MSH4: variants seen among roughly 807,000 people sequenced by gnomAD.
MSH4 encodes mutS homolog 4.
Under a neutral mutation model 113.7 loss-of-function variants are expected in MSH4, and 106 were observed. That is an observed-to-expected ratio of 0.93 (90% CI 0.80 to 1.10). MSH4 has a LOEUF of 1.10. Among genes scored for constraint, MSH4 ranks in the 50% least tolerant of loss-of-function variants. The probability of loss-of-function intolerance (pLI) is 0.00; values close to 1 mark genes in which losing one functional copy is unlikely to be tolerated. For synonymous variants in MSH4, 368 were observed against 380.2 expected (o/e 0.97, Z 0.37); for missense variants, 1,061 against 1,093.7 (o/e 0.97, Z 0.42).
chr1:75,881,585 A>T (rs1651933768), intron 14 of MSH4, among the ~76,000 whole-genome samples: 1 of 152,014 alleles, frequency 6.6e-6, no homozygotes. Flanking sequence ...GCAAACCAAA[A>T]AGAAAAAATT....
chr1:75,816,721 G>C (rs904441684), intron 6 of MSH4, among the ~76,000 whole-genome samples, 175 bp downstream of exon 6: 1 of 152,086 alleles, frequency 6.6e-6, no homozygotes, highest in African/African-American at 2.4e-5. Flanking sequence ...CTGCCTTCCA[G>C]GTTCAAGCAA....
At chr1:75,826,616 C>G (rs1052324405) in intron 7 of MSH4, among the ~76,000 whole-genome samples, 1 of 152,198 alleles carries the variant, frequency 6.6e-6, no homozygotes, top group South Asian at 2.1e-4. Context: ...AAATTTCCCT[C>G]TTAACCCTGG....
intron 17 of MSH4, among the ~76,000 whole-genome samples, chr1:75,895,441 G>T (rs1465041531): frequency 6.6e-6 from 1 of 152,092 alleles, no homozygotes; most frequent in Admixed American, 6.6e-5. Flanking sequence ...ACTAGCTAGG[G>T]CTTGCTGAAG....
intron 7 of MSH4, among the ~76,000 whole-genome samples, chr1:75,836,666 T>C (rs1160599546): frequency 6.6e-6 from 1 of 152,190 alleles, no homozygotes; most frequent in Non-Finnish European, 1.5e-5. Flanking sequence ...TGTCCACAAT[T>C]TATTTGATAC....
At chr1:75,908,298 A>G (rs2100598288) in intron 19 of MSH4, among the ~76,000 whole-genome samples, 1 of 151,760 alleles carries the variant, frequency 6.6e-6, no homozygotes, top group South Asian at 2.1e-4. Flanking sequence ...GGTGTGCACC[A>G]CCATGCCTGG....
chr1:75,837,950 A>G (rs1394991529), intron 7 of MSH4, among the ~76,000 whole-genome samples: 1 of 152,102 alleles, frequency 6.6e-6, no homozygotes, highest in Non-Finnish European at 1.5e-5. Flanking sequence ...ACCCTTCTCC[A>G]ACCTTGCTGT....
intron 7 of MSH4, among the ~76,000 whole-genome samples, chr1:75,831,882 A>G (rs566452751): frequency 6.6e-6 from 1 of 152,330 alleles, no homozygotes; most frequent in Non-Finnish European, 1.5e-5. Context: ...AGAACTAGAG[A>G]AGCAGGAGCA....
chr1:75,857,020 G>T (rs1260146721), intron 8 of MSH4, among the ~76,000 whole-genome samples: 1 of 152,108 alleles, frequency 6.6e-6, no homozygotes, highest in East Asian at 1.9e-4. Flanking sequence ...GTTTTGATTT[G>T]CATTTCTCTA....
intron 15 of MSH4, among the ~76,000 whole-genome samples, chr1:75,885,029 A>ATG (rs1176556889): frequency 0.021 from 2,591 of 122,258 alleles, 44 homozygotes; most frequent in African/African-American, 0.034. Context: ...ATATATATAT[A>ATG]TGTGTGTGTG....
In MSH4 at chr1:75,830,758, C is replaced by A. The variant is rs576086084; in HGVS notation, c.1162+8177C>A. 2.5e-3 allele frequency among the ~76,000 whole-genome samples: 382 copies of A among 152,258 alleles called. 1 individual carries two copies. The highest frequency in any genetic ancestry group is 4.0e-3 in the Non-Finnish European group (270 of 68,018). On this transcript the variant is annotated intron_variant, in intron 7 of 19. Transcript: ENST00000263187. ...AAATGCTGAGAGATTCTGTCACCAC[C>A]AGGCCTGCCTTACAAGAGCTCCTGA...
chr1:75,900,346 G>A (rs543944873), intron 19 of MSH4, among the ~76,000 whole-genome samples: 21 of 152,096 alleles, frequency 1.4e-4, no homozygotes, highest in Non-Finnish European at 2.6e-4. Flanking sequence ...TTGTCATCCA[G>A]GCTGGAGTGC....
intron 8 of MSH4, among the ~76,000 whole-genome samples, chr1:75,864,374 ATAG>A (rs1321530272): frequency 2.0e-5 from 3 of 152,186 alleles, no homozygotes; most frequent in Non-Finnish European, 4.4e-5. Flanking sequence ...TATTTGGTAT[ATAG>A]TTAGGAGTGG....
intron 4 of MSH4, among the ~76,000 whole-genome samples, chr1:75,813,443 C>G (rs1650230164): frequency 6.6e-6 from 1 of 152,126 alleles, no homozygotes; most frequent in South Asian, 2.1e-4. Flanking sequence ...GATCTTGACT[C>G]TACGTGACCT....
At chr1:75,894,038 A>ACC (rs1277145049) in intron 17 of MSH4, among the ~76,000 whole-genome samples, 3 of 152,150 alleles carry the variant, frequency 2.0e-5, no homozygotes, top group African/African-American at 7.2e-5. Context: ...AGTCCAAATG[A>ACC]CATACCTTTT....
At chr1:75,901,335 T>C (rs974817785) in intron 19 of MSH4, among the ~76,000 whole-genome samples, 1 of 152,132 alleles carries the variant, frequency 6.6e-6, no homozygotes, top group African/African-American at 2.4e-5. Context: ...TCCTAACCTC[T>C]AGTAACCATC....
chr1:75,826,348 TCTC>T (rs1650552739), intron 7 of MSH4, among the ~76,000 whole-genome samples: 1 of 152,184 alleles, frequency 6.6e-6, no homozygotes, highest in Admixed American at 6.5e-5. Context: ...ATTTGATTCT[TCTC>T]CCTTTTCTTC....
At chr1:75,821,416 G>A (rs887859501) in intron 6 of MSH4, among the ~76,000 whole-genome samples, 6 of 150,994 alleles carry the variant, frequency 4.0e-5, no homozygotes, top group Non-Finnish European at 8.9e-5. Flanking sequence ...GTGTGTAGAG[G>A]GAAATTTATA....
At chr1:75,873,403 A>G (rs913243296) in intron 9 of MSH4, among the ~76,000 whole-genome samples, 1 of 152,220 alleles carries the variant, frequency 6.6e-6, no homozygotes, top group Non-Finnish European at 1.5e-5. Flanking sequence ...AACACTTTTT[A>G]AAAATTTTTT....
At chr1:75,853,910 G>GGAAT (rs1359875994) in intron 8 of MSH4, among the ~76,000 whole-genome samples, 2 of 150,692 alleles carry the variant, frequency 1.3e-5, no homozygotes, top group Non-Finnish European at 3.0e-5. Context: ...ATTTTAGTAA[G>GGAAT]GAATGGTATT....
Sources: gnomAD v4.1 joint callset for allele counts (sites outside exome capture counted in the v4.1 genomes callset) on GRCh38, gnomAD v4.1.1 for gene constraint, MANE v1.5 for transcripts, NCBI Gene and HGNC (gene_info 2026-07-23, HGNC 2026-07-21) for gene names.